TMTC2: variants seen among roughly 807,000 people sequenced by gnomAD.
The protein encoded by TMTC2 is transmembrane O-mannosyltransferase targeting cadherins 2.
A neutral mutation model predicts 82.4 loss-of-function variants in TMTC2; 43 were observed. That is an observed-to-expected ratio of 0.52 (90% CI 0.41 to 0.67). The LOEUF (loss-of-function observed/expected upper bound fraction) is 0.67, where lower values mean the gene tolerates loss of function less well. TMTC2 is among the 30% of genes least tolerant of loss of function. TMTC2 has a pLI of 0.00. For missense variants in TMTC2, 919 were observed against 1,012.4 expected (o/e 0.91, Z 1.25); for synonymous variants, 408 against 381.9 (o/e 1.07, Z -0.80).
chr12:82,985,487 C>T (rs1879113960), intron 7 of TMTC2, among the ~76,000 whole-genome samples: 1 of 152,146 alleles, frequency 6.6e-6, no homozygotes, highest in Admixed American at 6.5e-5. Flanking sequence ...TAGGATCTCA[C>T]ACTTTTTTCT....
At chr12:82,881,992 A>T in intron 2 of TMTC2, among the ~76,000 whole-genome samples, 1 of 143,188 alleles carries the variant, frequency 7.0e-6, no homozygotes, top group East Asian at 2.0e-4. Context: ...TTTGTTGTTA[A>T]GATTTTTTTT....
intron 8 of TMTC2, among the ~76,000 whole-genome samples, chr12:83,019,732 A>G (rs1008416818): frequency 7.9e-5 from 12 of 152,188 alleles, no homozygotes; most frequent in Admixed American, 6.5e-5. Context: ...CTGAATTTAT[A>G]CAAATAAATT....
intron 1 of TMTC2, among the ~76,000 whole-genome samples, chr12:82,830,346 C>G (rs1188082734): frequency 6.6e-6 from 1 of 152,018 alleles, no homozygotes; most frequent in East Asian, 1.9e-4. Context: ...TTAGCCCACT[C>G]TCGGTGTCTC....
At chr12:82,816,039 A>T (rs1868692601) in intron 1 of TMTC2, among the ~76,000 whole-genome samples, 1 of 152,068 alleles carries the variant, frequency 6.6e-6, no homozygotes, top group Non-Finnish European at 1.5e-5. Flanking sequence ...TACTTGATAT[A>T]GTAGTGGGTA....
chr12:82,813,241 A>G (rs1868505228), intron 1 of TMTC2, among the ~76,000 whole-genome samples: 1 of 152,116 alleles, frequency 6.6e-6, no homozygotes, highest in African/African-American at 2.4e-5. Flanking sequence ...ACTACTCTGT[A>G]ACAGCAGCTG....
chr12:82,945,726 T>C (rs1026117125), intron 4 of TMTC2, among the ~76,000 whole-genome samples: 1 of 152,232 alleles, frequency 6.6e-6, no homozygotes, highest in Non-Finnish European at 1.5e-5. Context: ...CAATCAGTCC[T>C]CTGCAGATTT....
At chr12:83,002,487 G>C (rs10778926) in intron 8 of TMTC2, among the ~76,000 whole-genome samples, 116,521 of 152,108 alleles carry the variant, frequency 0.77, 46,178 homozygotes, top group South Asian at 0.93. Context: ...TCCAGTTCCT[G>C]TAGGTGCGAT....
chr12:82,796,760 G>C (rs1474925938), intron 1 of TMTC2, among the ~76,000 whole-genome samples: 1 of 152,082 alleles, frequency 6.6e-6, no homozygotes, highest in Non-Finnish European at 1.5e-5. Flanking sequence ...TAAAGACCAA[G>C]AGCAGGGTGT....
intron 2 of TMTC2, among the ~76,000 whole-genome samples, chr12:82,868,616 T>G (rs1592588424): frequency 1.3e-5 from 2 of 152,036 alleles, no homozygotes. Context: ...CCACCCTGTT[T>G]CCCATATATT....
intron 3 of TMTC2, among the ~76,000 whole-genome samples, chr12:82,923,703 T>A (rs1166245574): frequency 1.3e-5 from 2 of 152,218 alleles, no homozygotes; most frequent in African/African-American, 4.8e-5. Context: ...ATATTATGGC[T>A]AAAATATAGT....
At chr12:83,102,903 A>T (rs1884268143) in intron 11 of TMTC2, among the ~76,000 whole-genome samples, 1 of 152,192 alleles carries the variant, frequency 6.6e-6, no homozygotes, top group Non-Finnish European at 1.5e-5. Context: ...TAAAATCATC[A>T]AAATTTCAAT....
intron 1 of TMTC2, among the ~76,000 whole-genome samples, chr12:82,809,664 G>A (rs76717660): frequency 1.8e-4 from 28 of 152,224 alleles, no homozygotes; most frequent in Admixed American, 7.2e-4. Flanking sequence ...TCCTCCCTGG[G>A]ATTGAGTACG....
intron 11 of TMTC2, among the ~76,000 whole-genome samples, chr12:83,106,421 C>G (rs567647883): frequency 6.6e-6 from 1 of 151,354 alleles, no homozygotes; most frequent in South Asian, 2.1e-4. Flanking sequence ...ATCACCTGAA[C>G]CCAGGAGGCG....
intron 11 of TMTC2, among the ~76,000 whole-genome samples, chr12:83,070,295 A>G (rs1327896193): frequency 1.3e-5 from 2 of 152,094 alleles, no homozygotes; most frequent in African/African-American, 4.8e-5. Context: ...CATTTTCACA[A>G]TATTGATTCT....
At chr12:83,030,705 C>G in intron 8 of TMTC2, 93 bp from the exon 9 acceptor site, 1 of 966,960 alleles carries the variant, frequency 1.0e-6, no homozygotes, top group Non-Finnish European at 1.6e-6. Flanking sequence ...ATGATGATTA[C>G]CAAGTAGACA....
intron 1 of TMTC2, among the ~76,000 whole-genome samples, chr12:82,726,771 C>T (rs946999643): frequency 7.4e-5 from 11 of 147,762 alleles, no homozygotes; most frequent in Non-Finnish European, 1.6e-4. Context: ...CCCAGCTACT[C>T]GGGAGGCTGA....
At chr12:82,974,551 A>G (rs980213764) in intron 7 of TMTC2, among the ~76,000 whole-genome samples, 2 of 152,200 alleles carry the variant, frequency 1.3e-5, no homozygotes, top group Non-Finnish European at 2.9e-5. Flanking sequence ...CATATTTAGA[A>G]TAGGCAACTG....
At chr12:82,938,573 A>T (rs577088773) in intron 4 of TMTC2, among the ~76,000 whole-genome samples, 1 of 152,224 alleles carries the variant, frequency 6.6e-6, no homozygotes, top group Admixed American at 6.5e-5. Flanking sequence ...GACAGAGCAA[A>T]TGAGACTGAG....
rs962018806 is a variant in TMTC2 at position 82,767,521 on chromosome 12, G to A, written c.83+79852G>A. 4.9e-4 allele frequency among the ~76,000 whole-genome samples: 74 copies of A among 152,114 alleles called. 2 individuals are homozygous for A. Among genetic ancestry groups the A allele is most frequent in the Non-Finnish European group, 1.5e-4 (10 of 68,020 alleles). ...AGGATCACTTGACCCAGGAAGTCGA[G>A]GCTGCAGTGAGCTGTGATCACACCA... is the stretch of plus-strand genomic sequence containing the variant. On this transcript the variant is annotated intron_variant, in intron 1 of 11. Transcript: ENST00000321196.
Sources: gnomAD v4.1 joint callset for allele counts (sites outside exome capture counted in the v4.1 genomes callset) on GRCh38, gnomAD v4.1.1 for gene constraint, MANE v1.5 for transcripts, NCBI Gene and HGNC (gene_info 2026-07-23, HGNC 2026-07-21) for gene names.